Variants in SDK2 observed in about 807,000 individuals in gnomAD.
SDK2 encodes protein sidekick-2.
In SDK2, 105 loss-of-function variants were observed where a neutral mutation model predicts 253.9. The observed-to-expected ratio is 0.41, with a 90% confidence interval of 0.35 to 0.49. SDK2 has a LOEUF of 0.49. SDK2 is among the 20% of genes least tolerant of loss of function. SDK2 has a pLI of 0.06. For synonymous variants in SDK2, 1,249 were observed against 1,234.9 expected (o/e 1.01, Z -0.24); for missense variants, 2,608 against 3,003.0 (o/e 0.87, Z 3.07).
chr17:73,551,226 T>A (rs1372219499), intron 1 of SDK2, among the ~76,000 whole-genome samples: 1 of 151,918 alleles, frequency 6.6e-6, no homozygotes, highest in Non-Finnish European at 1.5e-5. Context: ...GGCGGCCGGC[T>A]CCCCATCAGC....
intron 40 of SDK2, chr17:73,357,721 G>A (rs1293649600): frequency 3.5e-5 from 12 of 345,024 alleles, no homozygotes; most frequent in Non-Finnish European, 5.4e-5. Context: ...GAGGCAGCCA[G>A]GGTCTTCTTA....
chr17:73,576,806 C>G (rs2045463936), intron 1 of SDK2, among the ~76,000 whole-genome samples: 1 of 152,194 alleles, frequency 6.6e-6, no homozygotes, highest in Non-Finnish European at 1.5e-5. Context: ...AACCTTCAGC[C>G]TTAACTACCT....
At chr17:73,436,042 C>T (rs1388092302) in intron 8 of SDK2, among the ~76,000 whole-genome samples, 1 of 152,178 alleles carries the variant, frequency 6.6e-6, no homozygotes, top group East Asian at 1.9e-4. Flanking sequence ...GTGTGAGCCA[C>T]TGCACCTGGC....
chr17:73,340,737 T>TTTTG (rs2062427988), intron 44 of SDK2, among the ~76,000 whole-genome samples: 1 of 122,316 alleles, frequency 8.2e-6, no homozygotes, highest in Non-Finnish European at 1.8e-5. Flanking sequence ...CCTTAAAGTT[T>TTTTG]TTTTTTTTTT....
At chr17:73,363,002 C>T (rs2062654299) in intron 38 of SDK2, among the ~76,000 whole-genome samples, 1 of 152,252 alleles carries the variant, frequency 6.6e-6, no homozygotes, top group Non-Finnish European at 1.5e-5. Flanking sequence ...GTGTCCACAG[C>T]ATCTTAGGCA....
At chr17:73,362,215 A>G (rs2062647640) in intron 38 of SDK2, among the ~76,000 whole-genome samples, 1 of 152,122 alleles carries the variant, frequency 6.6e-6, no homozygotes. Context: ...CTCCATTGCT[A>G]TTCCCTTATG....
intron 1 of SDK2, among the ~76,000 whole-genome samples, chr17:73,528,097 T>G (rs2064140736): frequency 6.6e-6 from 1 of 152,078 alleles, no homozygotes; most frequent in African/African-American, 2.4e-5. Flanking sequence ...GGGCATGTTG[T>G]GGCCAGCTGG....
At chr17:73,394,157 A>T in intron 26 of SDK2, 52 bp downstream of exon 26, 1 of 1,120,684 alleles carries the variant, frequency 8.9e-7, no homozygotes, top group East Asian at 2.7e-5. Flanking sequence ...TTGGATGGAG[A>T]GGCTGGAGGG....
intron 24 of SDK2, among the ~76,000 whole-genome samples, chr17:73,396,237 C>T (rs2062969871): frequency 6.6e-6 from 1 of 151,746 alleles, no homozygotes. Flanking sequence ...GGCCTTAGGA[C>T]TAGGCTGATG....
chr17:73,506,057 C>T (rs572064904), intron 2 of SDK2, among the ~76,000 whole-genome samples: 5 of 152,376 alleles, frequency 3.3e-5, no homozygotes, highest in African/African-American at 7.2e-5. Context: ...GGCTCCCAGC[C>T]GGAAGAAGTC....
intron 2 of SDK2, among the ~76,000 whole-genome samples, chr17:73,506,689 A>G (rs2063938258): frequency 6.6e-6 from 1 of 152,222 alleles, no homozygotes; most frequent in South Asian, 2.1e-4. Context: ...GAGCCAATAA[A>G]ACAGGCGGAG....
chr17:73,584,108 C>G (rs908464262), intron 1 of SDK2, among the ~76,000 whole-genome samples: 3 of 152,238 alleles, frequency 2.0e-5, no homozygotes, highest in Non-Finnish European at 4.4e-5. Context: ...ATGCCTCCAG[C>G]TCCCTGCCCA....
At chr17:73,421,874 T>C (rs1599550835) in intron 15 of SDK2, among the ~76,000 whole-genome samples, 1 of 152,154 alleles carries the variant, frequency 6.6e-6, no homozygotes, top group East Asian at 1.9e-4. Context: ...TCCATCATTT[T>C]ATAAAAGCTT....
intron 44 of SDK2, among the ~76,000 whole-genome samples, chr17:73,346,128 C>T (rs1170761255): frequency 6.6e-6 from 1 of 151,784 alleles, no homozygotes; most frequent in African/African-American, 2.4e-5. Flanking sequence ...ATTGTTTGAA[C>T]CCGGGAGGTG....
chr17:73,537,016 G>A (rs187307363), intron 1 of SDK2, among the ~76,000 whole-genome samples: 2 of 152,286 alleles, frequency 1.3e-5, no homozygotes, highest in East Asian at 3.9e-4. Context: ...GGGTGCAGGA[G>A]CATTAGCTCA....
chr17:73,449,505 C>T (rs1251807254), intron 4 of SDK2, among the ~76,000 whole-genome samples: 1 of 151,904 alleles, frequency 6.6e-6, no homozygotes, highest in Non-Finnish European at 1.5e-5. Context: ...TGGTGCTTCA[C>T]ATGCTGAGAA....
chr17:73,437,521 C>A (rs1352158748), intron 8 of SDK2, among the ~76,000 whole-genome samples: 2 of 152,092 alleles, frequency 1.3e-5, no homozygotes, highest in African/African-American at 4.8e-5. Context: ...TCATTTGTAA[C>A]CCTCAAGTTT....
At position 73,386,920 on chromosome 17, in the gene SDK2, A is replaced by G. The variant is rs368980824; in HGVS notation, c.4395-372T>C. On this transcript the variant is annotated intron_variant, in intron 30 of 44. Transcript: ENST00000392650. The stretch of plus-strand genomic sequence containing the variant: ...GGAACAAACTCCTCCCCTGCCCCCA[A>G]CAAACTGCCATCTCTTTCTTTTTTT... 1.9e-3 allele frequency among the ~76,000 whole-genome samples: 285 copies of G among 152,252 alleles called. 12 individuals carry two copies. In the South Asian group the frequency reaches 0.057, roughly 31 times the overall value.
intron 40 of SDK2, among the ~76,000 whole-genome samples, chr17:73,355,834 G>A (rs2062588170): frequency 6.6e-6 from 1 of 152,156 alleles, no homozygotes; most frequent in Non-Finnish European, 1.5e-5. Context: ...AGCATTAGCT[G>A]CCCAGTTTCG....
Sources: gnomAD v4.1 joint callset for allele counts (sites outside exome capture counted in the v4.1 genomes callset) on GRCh38, gnomAD v4.1.1 for gene constraint, MANE v1.5 for transcripts, NCBI Gene and HGNC (gene_info 2026-07-23, HGNC 2026-07-21) for gene names.